ANK1: variants seen among roughly 807,000 people sequenced by gnomAD.
ANK1 encodes ankyrin-1.
A neutral mutation model predicts 210.4 loss-of-function variants in ANK1; 51 were observed. The ratio of observed to expected loss-of-function variants is 0.24; its 90% confidence interval spans 0.19 to 0.31. The LOEUF (loss-of-function observed/expected upper bound fraction) is 0.31, where lower values mean the gene tolerates loss of function less well. Among genes scored for constraint, ANK1 ranks in the 10% least tolerant of loss-of-function variants. ANK1 has a pLI of 1.00. For missense variants in ANK1, 2,051 were observed against 2,504.4 expected, an observed-to-expected ratio of 0.82 and a Z score of 3.86; for synonymous variants, 967 against 1,025.9, an observed-to-expected ratio of 0.94 and a Z score of 1.10.
chr8:41,818,052 T>C (rs1487591292), intron 1 of ANK1, among the ~76,000 whole-genome samples: 2 of 152,226 alleles, frequency 1.3e-5, no homozygotes, highest in African/African-American at 4.8e-5. Flanking sequence ...ATAACCCACG[T>C]GCCCCCGCTG....
In ANK1 at chr8:41,795,036, G is replaced by A. The variant is rs1848497720; in HGVS notation, c.27+2476C>T. ...TTGTTAAACAGACCTGGAGGACAAA[G>A]GTTTTTAGTCACTTCACCTTTAGAA... On this transcript the variant is annotated intron_variant, in intron 1 of 42. Coordinates refer to ENST00000289734, the MANE Select transcript of ANK1 (RefSeq NM_000037.4). Among the ~76,000 whole-genome samples the A allele has an allele frequency of 5.3e-5, 8 of 152,258 alleles. No homozygotes were observed. The South Asian group carries it at 1.7e-3, about 32-fold the overall frequency.
chr8:41,681,643 G>A (rs553170392), intron 37 of ANK1, among the ~76,000 whole-genome samples: 1 of 152,332 alleles, frequency 6.6e-6, no homozygotes, highest in Non-Finnish European at 1.5e-5. Flanking sequence ...GTCCGACTGT[G>A]GGCATCAGTG....
chr8:41,666,430 C>T (rs1056609508), intron 39 of ANK1, among the ~76,000 whole-genome samples: 1 of 152,184 alleles, frequency 6.6e-6, no homozygotes, highest in Non-Finnish European at 1.5e-5. Context: ...CACAATGCTG[C>T]TTATTTCAAC....
At position 41,842,860 on chromosome 8, in the gene ANK1, T is replaced by C. The variant is rs184995927; in HGVS notation, c.126+53495A>G. ...TTGGGGGGTTGTTCATTTGTTTGTT[T>C]GTTTTGAGACGGATCTCCTTCTGTC... On this transcript the variant is annotated intron_variant, in intron 1 of 42. Coordinates refer to the ANK1 transcript ENST00000265709. Among the ~76,000 whole-genome samples the C allele has an allele frequency of 5.3e-5, 8 of 152,314 alleles. No homozygotes were observed. The East Asian group carries it at 1.4e-3, about 26-fold the overall frequency.
At chr8:41,888,847 A>T (rs1818909125) in intron 1 of ANK1, among the ~76,000 whole-genome samples, 1 of 152,192 alleles carries the variant, frequency 6.6e-6, no homozygotes, top group Non-Finnish European at 1.5e-5. Flanking sequence ...CTCAGCTCCA[A>T]GACATTCTGA....
At chr8:41,874,621 C>G (rs757487226) in intron 1 of ANK1, among the ~76,000 whole-genome samples, 1 of 152,144 alleles carries the variant, frequency 6.6e-6, no homozygotes, top group Non-Finnish European at 1.5e-5. Flanking sequence ...ACAAGGTGTG[C>G]TAACAAGGAG....
chr8:41,819,200 G>A lies in ANK1; in HGVS notation c.127-61063C>T, dbSNP rs182545174. On this transcript the variant is annotated intron_variant, in intron 1 of 42. Transcript: ENST00000265709. ...AAACTTTTGCTCCAACCTCACCCTC[G>A]GTGTCCACGCTTCTTAAATTTCTTG... is the stretch of plus-strand genomic sequence containing the variant. Among the ~76,000 whole-genome samples, 21 of 152,166 alleles carry A rather than the reference G, an allele frequency of 1.4e-4. No homozygotes were observed. The East Asian group carries it at 3.9e-3, about 28-fold the overall frequency.
chr8:41,705,470 A>G (rs567797667), intron 18 of ANK1, among the ~76,000 whole-genome samples: 1 of 152,300 alleles, frequency 6.6e-6, no homozygotes, highest in East Asian at 1.9e-4. Flanking sequence ...CTTCAGCATA[A>G]CATTGTTGCC....
At chr8:41,858,052 AC>A (rs913074005) in intron 1 of ANK1, among the ~76,000 whole-genome samples, 4 of 151,638 alleles carry the variant, frequency 2.6e-5, no homozygotes, top group South Asian at 2.1e-4. Context: ...ACATAGCAAG[AC>A]CCCCCATCTC....
intron 20 of ANK1, among the ~76,000 whole-genome samples, chr8:41,703,422 G>GTGTGTATATATATATATATATA (rs1286560913): frequency 1.9e-5 from 1 of 53,764 alleles, no homozygotes; most frequent in Non-Finnish European, 3.5e-5. Context: ...GTGTGTGTGT[G>GTGTGTATATATATATATATATA]TATATATATA....
intron 1 of ANK1, among the ~76,000 whole-genome samples, chr8:41,860,913 G>C (rs1016734996): frequency 2.6e-4 from 40 of 152,294 alleles, no homozygotes; most frequent in Middle Eastern, 6.8e-3. Context: ...CTGGCCAAAT[G>C]TTCCCCAGCA....
intron 2 of ANK1, among the ~76,000 whole-genome samples, chr8:41,755,089 C>A (rs1005398970): frequency 6.6e-6 from 1 of 152,270 alleles, no homozygotes; most frequent in African/African-American, 2.4e-5. Flanking sequence ...AGTCTTGAGT[C>A]TGAGGCAGGA....
chr8:41,825,716 T>C (rs1158575331), intron 1 of ANK1, among the ~76,000 whole-genome samples: 1 of 152,186 alleles, frequency 6.6e-6, no homozygotes, highest in African/African-American at 2.4e-5. Context: ...AATTCCCACA[T>C]GTTGTGGGAG....
intron 1 of ANK1, among the ~76,000 whole-genome samples, chr8:41,759,724 C>A (rs148961326): frequency 6.6e-6 from 1 of 152,222 alleles, no homozygotes; most frequent in South Asian, 2.1e-4. Flanking sequence ...TGGAACCAAT[C>A]CCCCACAGAT....
At chr8:41,825,665 T>A (rs546971264) in intron 1 of ANK1, among the ~76,000 whole-genome samples, 1 of 152,346 alleles carries the variant, frequency 6.6e-6, no homozygotes, top group East Asian at 1.9e-4. Context: ...ATGGTTTGGC[T>A]GTGTCCCCAC....
At chr8:41,685,007 C>T (rs529813463) in intron 36 of ANK1, among the ~76,000 whole-genome samples, 1 of 152,310 alleles carries the variant, frequency 6.6e-6, no homozygotes, top group Non-Finnish European at 1.5e-5. Flanking sequence ...AATCTCGGCT[C>T]ACTGTCCACC....
At chr8:41,866,112 G>A (rs961543368) in intron 1 of ANK1, among the ~76,000 whole-genome samples, 3 of 152,212 alleles carry the variant, frequency 2.0e-5, no homozygotes, top group Admixed American at 6.5e-5. Context: ...GGGGCCACCA[G>A]GGAGAACTTG....
At chr8:41,866,688 A>G (rs1012153658) in intron 1 of ANK1, among the ~76,000 whole-genome samples, 4 of 152,084 alleles carry the variant, frequency 2.6e-5, no homozygotes, top group African/African-American at 9.7e-5. Flanking sequence ...GCATTTCACT[A>G]CTCTAGGAAT....
intron 1 of ANK1, among the ~76,000 whole-genome samples, chr8:41,827,774 CAT>C (rs1472614301): frequency 6.7e-6 from 1 of 149,564 alleles, no homozygotes; most frequent in Non-Finnish European, 1.5e-5. Flanking sequence ...ACCCCACACA[CAT>C]GCTCACGCCC....
Sources: allele counts gnomAD v4.1 joint callset (sites outside exome capture counted in the v4.1 genomes callset), GRCh38; gene constraint gnomAD v4.1.1; transcripts MANE v1.5; gene names NCBI Gene and HGNC (gene_info 2026-07-23, HGNC 2026-07-21).